The following CTNNA3 variants were observed in gnomAD, a reference collection of about 807,000 sequenced individuals.
CTNNA3 encodes the protein catenin alpha 3.
CTNNA3 carries 76 observed loss-of-function variants against 95.7 expected under a neutral mutation model. The ratio of observed to expected loss-of-function variants is 0.79; its 90% CI spans 0.66 to 0.96. The LOEUF (loss-of-function observed/expected upper bound fraction) is 0.96, where lower values mean the gene tolerates loss of function less well. CTNNA3 is among the 40% of genes least tolerant of loss of function. The pLI, the probability that CTNNA3 is intolerant of heterozygous loss-of-function variation, is 0.00. For synonymous variants in CTNNA3, 431 were observed against 374.4 expected, an observed-to-expected ratio of 1.15 and a Z score of -1.74; for missense variants, 1,191 against 1,089.8, an observed-to-expected ratio of 1.09 and a Z score of -1.31.
intron 3 of CTNNA3, among the ~76,000 whole-genome samples, chr10:67,577,145 G>A (rs1842189194): frequency 6.6e-6 from 1 of 151,116 alleles, no homozygotes; most frequent in Admixed American, 6.6e-5. Flanking sequence ...TTCCACAATG[G>A]TTGAACTAGT....
chr10:66,997,087 T>C (rs9971243), intron 7 of CTNNA3, among the ~76,000 whole-genome samples: 14,287 of 152,188 alleles, frequency 0.094, 881 homozygotes, highest in African/African-American at 0.16. Flanking sequence ...AACTTTTAGA[T>C]GTGATGGCAA....
At chr10:66,720,265 C>T (rs1207067763) in intron 9 of CTNNA3, among the ~76,000 whole-genome samples, 2 of 146,368 alleles carry the variant, frequency 1.4e-5, no homozygotes, top group African/African-American at 4.9e-5. Flanking sequence ...TGAAGGCAGT[C>T]ACCTTTTATG....
intron 7 of CTNNA3, among the ~76,000 whole-genome samples, chr10:67,069,392 T>C (rs1001971361): frequency 1.3e-5 from 2 of 152,062 alleles, no homozygotes; most frequent in African/African-American, 4.8e-5. Flanking sequence ...ATAGGAAGCT[T>C]ATTAACTCAA....
At chr10:66,768,974 G>T (rs1231400811) in intron 8 of CTNNA3, among the ~76,000 whole-genome samples, 1 of 151,522 alleles carries the variant, frequency 6.6e-6, no homozygotes, top group Non-Finnish European at 1.5e-5. Context: ...AGTAAAGACA[G>T]TGAGTATAAA....
chr10:66,632,746 A>G (rs1280214710), intron 9 of CTNNA3, among the ~76,000 whole-genome samples: 2 of 152,002 alleles, frequency 1.3e-5, no homozygotes, highest in African/African-American at 2.4e-5. Context: ...AAAATTTTAA[A>G]TGTCAAAATA....
intron 7 of CTNNA3, among the ~76,000 whole-genome samples, chr10:66,836,155 T>C (rs1377571946): frequency 2.0e-5 from 3 of 152,184 alleles, no homozygotes; most frequent in Non-Finnish European, 4.4e-5. Context: ...AGCTACAACA[T>C]GATGTCACTG....
intron 14 of CTNNA3, among the ~76,000 whole-genome samples, chr10:66,084,688 A>G (rs527599335): frequency 6.6e-6 from 1 of 152,162 alleles, no homozygotes; most frequent in Non-Finnish European, 1.5e-5. Context: ...TCAGCTAAAG[A>G]TTCATTTAAT....
At chr10:66,937,844 C>T (rs1221806796) in intron 7 of CTNNA3, among the ~76,000 whole-genome samples, 2 of 152,108 alleles carry the variant, frequency 1.3e-5, no homozygotes, top group African/African-American at 2.4e-5. Context: ...AGATCAAATT[C>T]TGCTCACTCC....
intron 7 of CTNNA3, among the ~76,000 whole-genome samples, chr10:66,990,541 A>C (rs1850986258): frequency 6.6e-6 from 1 of 152,188 alleles, no homozygotes; most frequent in Non-Finnish European, 1.5e-5. Flanking sequence ...AAAACTAGAA[A>C]TCATCTAGTT....
intron 7 of CTNNA3, among the ~76,000 whole-genome samples, chr10:66,871,272 AT>A (rs1844391982): frequency 1.3e-5 from 2 of 152,232 alleles, no homozygotes; most frequent in African/African-American, 4.8e-5. Flanking sequence ...ATACAAAGAA[AT>A]TTAGGCTGGG....
At chr10:66,350,864 T>C (rs1364857926) in intron 12 of CTNNA3, among the ~76,000 whole-genome samples, 1 of 151,970 alleles carries the variant, frequency 6.6e-6, no homozygotes, top group Non-Finnish European at 1.5e-5. Flanking sequence ...GCCTTGTCTA[T>C]CCACAGAAGG....
chr10:66,549,774 T>A (rs1842157528), intron 10 of CTNNA3, among the ~76,000 whole-genome samples: 1 of 152,230 alleles, frequency 6.6e-6, no homozygotes, highest in Non-Finnish European at 1.5e-5. Context: ...TTTATAGATA[T>A]TGGGTGTTTT....
intron 7 of CTNNA3, among the ~76,000 whole-genome samples, chr10:66,967,764 C>A (rs1849516263): frequency 6.6e-6 from 1 of 151,942 alleles, no homozygotes; most frequent in South Asian, 2.1e-4. Context: ...GAAAAATAAT[C>A]TGTTTAGTAG....
chr10:67,574,858 G>A (rs562609865), intron 3 of CTNNA3, among the ~76,000 whole-genome samples: 1 of 152,294 alleles, frequency 6.6e-6, no homozygotes, highest in African/African-American at 2.4e-5. Context: ...TGGGATTACA[G>A]GCATGAGCCA....
chr10:67,744,562 T>C (rs867544266), intron 1 of CTNNA3, among the ~76,000 whole-genome samples: 9 of 150,866 alleles, frequency 6.0e-5, no homozygotes, highest in Admixed American at 2.0e-4. Flanking sequence ...AGAAGAAAAC[T>C]TAGGCAATAC....
intron 13 of CTNNA3, among the ~76,000 whole-genome samples, chr10:66,196,005 A>T (rs1197925427): frequency 6.6e-6 from 1 of 152,222 alleles, no homozygotes; most frequent in Non-Finnish European, 1.5e-5. Flanking sequence ...TAGCAAGAAT[A>T]TTCATATCAG....
intron 3 of CTNNA3, among the ~76,000 whole-genome samples, chr10:67,548,779 T>A (rs1411866104): frequency 6.6e-6 from 1 of 151,850 alleles, no homozygotes; most frequent in African/African-American, 2.4e-5. Context: ...CTTAAACCTT[T>A]TGGACTCCAA....
chr10:66,219,033 C>T (rs574815153), intron 13 of CTNNA3, among the ~76,000 whole-genome samples: 3 of 152,262 alleles, frequency 2.0e-5, no homozygotes, highest in East Asian at 1.9e-4. Flanking sequence ...GTCCCACCTT[C>T]GTATGTTGGT....
chr10:67,735,474 T>C (rs1369308143), intron 1 of CTNNA3, among the ~76,000 whole-genome samples: 1 of 151,740 alleles, frequency 6.6e-6, no homozygotes, highest in African/African-American at 2.4e-5. Context: ...AAAACTCAGA[T>C]CAAAAATGGG....
Sources: allele counts gnomAD v4.1 joint callset (sites outside exome capture counted in the v4.1 genomes callset), GRCh38; gene constraint gnomAD v4.1.1; transcripts MANE v1.5; gene names NCBI Gene and HGNC (gene_info 2026-07-23, HGNC 2026-07-21).